The following PTGR1 variants were observed in gnomAD, a reference collection of about 807,000 sequenced individuals.
PTGR1 encodes 15-oxoprostaglandin 13-reductase.
PTGR1 carries 23 observed loss-of-function variants against 37.7 expected under a neutral mutation model. That is an observed-to-expected ratio of 0.61 (90% CI 0.44 to 0.86). The LOEUF (loss-of-function observed/expected upper bound fraction) is 0.86, where lower values mean the gene tolerates loss of function less well. Ranked by LOEUF, PTGR1 falls within the 40% of genes least tolerant of loss-of-function variation. PTGR1 has a pLI of 0.00. For synonymous variants in PTGR1, 134 were observed against 140.0 expected (o/e 0.96, Z 0.30); for missense variants, 351 against 394.3 (o/e 0.89, Z 0.93).
At chr9:111,559,167 A>G (rs761270757), downstream of PTGR1, among the ~76,000 whole-genome samples, 8 of 151,854 alleles carry the variant, frequency 5.3e-5, no homozygotes, top group East Asian at 1.9e-4. Context: ...TTGGGATCCA[A>G]CCGCCCATAC....
chr9:111,593,325 AC>A (rs1829679861), intron 3 of PTGR1, among the ~76,000 whole-genome samples: 2 of 152,368 alleles, frequency 1.3e-5, no homozygotes, highest in Admixed American at 6.5e-5. Flanking sequence ...GGTAGTTATT[AC>A]CCAAAACACT....
intron 9 of PTGR1, among the ~76,000 whole-genome samples, chr9:111,552,660 TA>T (rs1828004078): frequency 6.6e-6 from 1 of 152,194 alleles, no homozygotes; most frequent in Admixed American, 6.5e-5. Context: ...ATCGACATTG[TA>T]AATTTGGAGG....
At chr9:111,595,003 C>T (rs1298039897) in intron 2 of PTGR1, among the ~76,000 whole-genome samples, 1 of 151,734 alleles carries the variant, frequency 6.6e-6, no homozygotes, top group African/African-American at 2.4e-5. Flanking sequence ...TACAGGCGCC[C>T]ACCACTGCAC....
At chr9:111,599,176 G>A (rs1829866642) in intron 1 of PTGR1, among the ~76,000 whole-genome samples, 2 of 152,116 alleles carry the variant, frequency 1.3e-5, no homozygotes, top group Non-Finnish European at 2.9e-5. Flanking sequence ...CGCGGCGCCC[G>A]GCCTTTGCCC....
At chr9:111,598,601 TCTC>T (rs1404154881) in intron 1 of PTGR1, among the ~76,000 whole-genome samples, 1 of 152,150 alleles carries the variant, frequency 6.6e-6, no homozygotes, top group Non-Finnish European at 1.5e-5. Context: ...TTCAAGCGGT[TCTC>T]CTGTCTCAGC....
At chr9:111,550,452 T>C (rs1164612877) in intron 9 of PTGR1, among the ~76,000 whole-genome samples, 3 of 152,198 alleles carry the variant, frequency 2.0e-5, no homozygotes, top group African/African-American at 7.2e-5. Context: ...TCTCCACAGC[T>C]GCCTGCCATG....
intron 5 of PTGR1, among the ~76,000 whole-genome samples, chr9:111,584,638 G>T (rs1453352276): frequency 1.3e-5 from 2 of 152,090 alleles, no homozygotes; most frequent in Non-Finnish European, 2.9e-5. Context: ...GGGAAGGAAG[G>T]GTGGGAAGAA....
downstream of PTGR1, among the ~76,000 whole-genome samples, chr9:111,560,636 C>CAAAAAAA (rs1015199330): frequency 7.2e-4 from 19 of 26,292 alleles, no homozygotes; most frequent in African/African-American, 2.0e-3. Context: ...GACACCATCT[C>CAAAAAAA]AAAAAAAAAA....
rs201504757 is a variant in PTGR1, at chr9:111,597,292, C to T, written c.106+25G>A. On this transcript the variant is annotated intron_variant, in intron 2 of 9. Transcript: ENST00000407693. ...CTAACTGATACAGTCCCTTCCAACT[C>T]TGAAATATTTTTAGTATGACTTACC... 4 of 1,545,170 alleles carry T rather than the reference C, an allele frequency of 2.6e-6. No individual in the cohort carries two copies. The African/African-American group carries it at 4.1e-5, about 16-fold the overall frequency.
At chr9:111,580,294 T>A (rs1489656384) in intron 6 of PTGR1, among the ~76,000 whole-genome samples, 1 of 152,216 alleles carries the variant, frequency 6.6e-6, no homozygotes, top group Non-Finnish European at 1.5e-5. Flanking sequence ...GGGAATATAC[T>A]TTTTTCCTTG....
At chr9:111,551,640 A>T (rs982400261) in intron 9 of PTGR1, among the ~76,000 whole-genome samples, 1 of 152,000 alleles carries the variant, frequency 6.6e-6, no homozygotes, top group African/African-American at 2.4e-5. Flanking sequence ...AAGCCCAGGC[A>T]ATCTGCCTGT....
At chr9:111,572,545 G>A (rs1328332768) in intron 8 of PTGR1, among the ~76,000 whole-genome samples, 3 of 152,008 alleles carry the variant, frequency 2.0e-5, no homozygotes, top group Admixed American at 6.6e-5. Flanking sequence ...AGCCGAGATC[G>A]TGCCATTGCA....
chr9:111,592,108 C>A (rs1829641397), intron 4 of PTGR1, among the ~76,000 whole-genome samples: 2 of 152,172 alleles, frequency 1.3e-5, no homozygotes, highest in South Asian at 4.1e-4. Flanking sequence ...CTGTAAATGC[C>A]CTCATCTTGC....
intron 1 of PTGR1, 62 bp from the exon 2 acceptor site, chr9:111,597,494 GCC>G: frequency 9.7e-7 from 1 of 1,033,518 alleles, no homozygotes; most frequent in Non-Finnish European, 1.5e-6. Context: ...CAGTTCTCTA[GCC>G]GTCAAACTGA....
At chr9:111,572,450 C>T (rs547127854) in intron 8 of PTGR1, among the ~76,000 whole-genome samples, 132 of 152,136 alleles carry the variant, frequency 8.7e-4, no homozygotes, top group South Asian at 6.6e-3. Context: ...ATTAGTCAGG[C>T]GTGACGATTT....
At chr9:111,592,884 GA>G (rs1829660871) in intron 4 of PTGR1, 41 bp downstream of exon 4, 1 of 1,564,654 alleles carries the variant, frequency 6.4e-7, no homozygotes, top group East Asian at 2.4e-5. Context: ...AGGTAAAGAG[GA>G]GACATATTTT....
rs542676038 is a variant in PTGR1, at chr9:111,578,049, T to C, written c.651+747A>G. On this transcript the variant is annotated intron_variant, in intron 7 of 9. Transcript: ENST00000407693. ...TAAACTGGTTGTACAATTTTGCCAATATAGTAAAAAACATTGACTTCTACA... is the reference window on the plus strand; with the variant it reads ...TAAACTGGTTGTACAATTTTGCCAACATAGTAAAAAACATTGACTTCTACA... Among the ~76,000 whole-genome samples the C allele has an allele frequency of 3.9e-5, 6 of 152,064 alleles. No homozygotes were observed. In the South Asian group the frequency reaches 1.0e-3, roughly 26 times the overall value.
chr9:111,553,308 A>G (rs1417516725), intron 9 of PTGR1, among the ~76,000 whole-genome samples: 1 of 152,228 alleles, frequency 6.6e-6, no homozygotes, highest in African/African-American at 2.4e-5. Context: ...TTGTAGTACC[A>G]GCTTCTGTAT....
rs201774010 is a variant in PTGR1 at position 111,563,194 on chromosome 9, A to T, written c.917T>A (p.Phe306Tyr). 7.4e-5 allele frequency: 119 copies of T among 1,613,944 alleles called. No individual in the cohort carries two copies. In the Admixed American group the frequency reaches 1.1e-3, roughly 15 times the overall value. Residue 306 changes from phenylalanine (F) to tyrosine (Y), a missense_variant, in exon 10 of 10, where the codon TTT (phenylalanine) becomes TAT (tyrosine). Phe to Tyr is a conservative substitution (Grantham distance 22). Coordinates refer to ENST00000407693, the MANE Select transcript of PTGR1 (RefSeq NM_001146108.2). ...IQYKEYIIEG[F>Y]ENMPAAFMGM... is the part of the protein sequence containing the mutation. ...CATAAATGCAGCTGGCATGTTTTCA[A>T]ATCCTTCAATGATATATTCCTTGTA... is the stretch of plus-strand genomic sequence containing the variant.
Sources: allele counts gnomAD v4.1 joint callset (sites outside exome capture counted in the v4.1 genomes callset), GRCh38; gene constraint gnomAD v4.1.1; transcripts MANE v1.5; gene names NCBI Gene and HGNC (gene_info 2026-07-23, HGNC 2026-07-21).